CDH11: variants seen among roughly 807,000 people sequenced by gnomAD.
CDH11 encodes cadherin 11, also known as cadherin-11.
In CDH11, 11 loss-of-function variants were observed where a neutral mutation model predicts 67.8. The observed-to-expected ratio is 0.16, with a 90% CI of 0.10 to 0.27. CDH11 has a LOEUF of 0.27. Ranked by LOEUF, CDH11 falls within the 10% of genes least tolerant of loss-of-function variation. CDH11 has a pLI of 1.00. For missense variants in CDH11, 847 were observed against 1,031.2 expected, an observed-to-expected ratio of 0.82 and a Z score of 2.45; for synonymous variants, 419 against 400.0, an observed-to-expected ratio of 1.05 and a Z score of -0.57.
chr16:64,977,976 C>G lies in CDH11; in HGVS notation c.1253+4072G>C, dbSNP rs185344726. 1.7e-3 allele frequency among the ~76,000 whole-genome samples: 262 copies of G among 152,294 alleles called. 2 individuals are homozygous for G. The highest frequency in any genetic ancestry group is 3.4e-3 in the Middle Eastern group (1 of 294). Reference sequence around the variant, plus strand: ...ATAGTTGGGAATTCCTTCTTTCCTGCCACTATTTTCTTTGATATAAATGGA... The same window carrying G: ...ATAGTTGGGAATTCCTTCTTTCCTGGCACTATTTTCTTTGATATAAATGGA... On this transcript the variant is annotated intron_variant, in intron 8 of 12. Coordinates refer to ENST00000268603, the MANE Select transcript of CDH11 (RefSeq NM_001797.4).
intron 2 of CDH11, among the ~76,000 whole-genome samples, chr16:65,035,242 G>T (rs1229257102): frequency 6.6e-6 from 1 of 152,198 alleles, no homozygotes; most frequent in African/African-American, 2.4e-5. Context: ...TGTGCCCAGG[G>T]CTTGGTGATC....
chr16:65,088,364 A>G (rs565253413), intron 1 of CDH11, among the ~76,000 whole-genome samples: 1 of 152,318 alleles, frequency 6.6e-6, no homozygotes, highest in Non-Finnish European at 1.5e-5. Context: ...TAATCCTGTC[A>G]CCCAGTGATA....
In CDH11 at chr16:64,947,791, G is replaced by T. The variant is rs1168967892; in HGVS notation, c.2203C>A (p.Pro735Thr). 6.2e-7 allele frequency: 1 copy of T among 1,614,152 alleles called. No individual in the cohort carries two copies. The highest frequency in any genetic ancestry group is 1.3e-5 in the African/African-American group (1 of 75,036). Reference sequence around the variant, plus strand: ...TAGATTTGAATGGAGTCATAAGGAGGAGCCGTGGGGTCATTGTCTGCCTCC... The same window carrying T: ...TAGATTTGAATGGAGTCATAAGGAGTAGCCGTGGGGTCATTGTCTGCCTCC... ...IQEADNDPTA[P>T]PYDSIQIYGY... is the part of the protein sequence containing the mutation. Residue 735 changes from proline (P) to threonine (T), a missense_variant, in exon 13 of 13, where the codon CCT becomes ACT. Coordinates refer to ENST00000268603, the MANE Select transcript of CDH11 (RefSeq NM_001797.4).
intron 11 of CDH11, chr16:64,968,452 T>A: frequency 3.0e-6 from 3 of 984,022 alleles, no homozygotes; most frequent in Non-Finnish European, 3.6e-6. Context: ...GCAGACATGC[T>A]CTTCATCTGC....
chr16:64,945,653 G>A lies in CDH11; in HGVS notation c.*1950C>T. 7 of 1,037,158 alleles carry A rather than the reference G, an allele frequency of 6.7e-6. No individual in the cohort carries two copies. The highest frequency in any genetic ancestry group is 8.1e-6 in the Non-Finnish European group (7 of 861,192). The allele number at this position is 1,037,158 out of a possible 1,614,324, so 64.2% of individuals were successfully genotyped here. On this transcript the variant is annotated 3_prime_UTR_variant, in exon 13 of 13. Transcript: ENST00000268603. ...TGTGTAATCCTTCACTGAGATGAAA[G>A]ATTCTAAAGTGACATTGTCCACAAA...
intron 4 of CDH11, 113 bp downstream of exon 4, chr16:64,998,449 C>T: frequency 8.1e-6 from 8 of 988,576 alleles, no homozygotes; most frequent in Non-Finnish European, 1.2e-5. Flanking sequence ...GTTATTTTGC[C>T]ATAAAAGATA....
At chr16:65,068,413 GAAAAAAAAAAAA>G (rs57968272) in intron 1 of CDH11, among the ~76,000 whole-genome samples, 3 of 100,182 alleles carry the variant, frequency 3.0e-5, no homozygotes, top group East Asian at 2.9e-4. Flanking sequence ...TATGACTACA[GAAAAAAAAAAAA>G]AAAAAAAAAA....
Position 64,982,321 on chromosome 16 carries a change from G to T in CDH11, c.1000-20C>A. The T allele has an allele frequency of 3.8e-6, 6 of 1,590,912 alleles. No homozygotes were observed. Among genetic ancestry groups the T allele is most frequent in the Non-Finnish European group, 5.2e-6 (6 of 1,162,122 alleles). On this transcript the variant is annotated intron_variant, in intron 7 of 12. Transcript: ENST00000268603. ...TACAGGCTGGCAAGAATGAAGAGAAGATTGACAACCAATTCCTTGAAAGAA... is the reference window on the plus strand; with the variant it reads ...TACAGGCTGGCAAGAATGAAGAGAATATTGACAACCAATTCCTTGAAAGAA...
chr16:65,056,000 A>G (rs765586954), intron 1 of CDH11, among the ~76,000 whole-genome samples: 11 of 152,210 alleles, frequency 7.2e-5, no homozygotes, highest in Non-Finnish European at 1.0e-4. Context: ...TGTTGTCTGC[A>G]AGCCATGAAG....
Position 64,945,478 on chromosome 16 carries a change from A to G in CDH11, c.*2125T>C, listed in dbSNP as rs1295514542. 3 of 1,034,540 alleles carry G rather than the reference A, an allele frequency of 2.9e-6. No individual in the cohort carries two copies. In the African/African-American group the frequency reaches 5.0e-5, roughly 17 times the overall value. 64.1% of individuals were successfully genotyped at this position (1,034,540 alleles called of 1,614,324 possible). A position where few individuals can be genotyped will look rare whatever the true frequency, so the allele number is the denominator to read the frequency against. Reference sequence around the variant, plus strand: ...GTGACAGGGTTACTTACAGCTGTATACTTATTTAAATGCTATTCATATTCC... The same window carrying G: ...GTGACAGGGTTACTTACAGCTGTATGCTTATTTAAATGCTATTCATATTCC... On this transcript the variant is annotated 3_prime_UTR_variant, in exon 13 of 13. Transcript: ENST00000268603.
chr16:64,981,129 A>C (rs1330141794), intron 8 of CDH11: 2 of 107,350 alleles, frequency 1.9e-5, no homozygotes, highest in Non-Finnish European at 1.7e-5. Context: ...TTTTTGAGAC[A>C]GGGTCTCACT....
intron 7 of CDH11, among the ~76,000 whole-genome samples, chr16:64,983,691 C>T (rs2072414628): frequency 6.6e-6 from 1 of 152,154 alleles, no homozygotes; most frequent in Non-Finnish European, 1.5e-5. Context: ...CTAAATCTGC[C>T]CCCAGCCTTT....
chr16:65,018,433 CT>C (rs1312348881), intron 2 of CDH11, among the ~76,000 whole-genome samples: 1 of 152,124 alleles, frequency 6.6e-6, no homozygotes, highest in Non-Finnish European at 1.5e-5. Flanking sequence ...AAAAAACAGA[CT>C]CTCACTGCAC....
In CDH11 at chr16:64,951,039, G is replaced by A. The variant is rs760705911; in HGVS notation, c.1643-21C>T. On this transcript the variant is annotated intron_variant, in intron 11 of 12. Coordinates refer to ENST00000268603, the MANE Select transcript of CDH11 (RefSeq NM_001797.4). ...GTTATCTGCAGAAAGAGGGGAGACA[G>A]GCCGTGCGCCCAGTCAAGACCATTG... 8 of 1,606,468 alleles carry A rather than the reference G, an allele frequency of 5.0e-6. No homozygotes were observed. In the South Asian group the frequency reaches 7.7e-5, roughly 16 times the overall value.
chr16:64,989,896 T>G (rs2072587516), intron 6 of CDH11, among the ~76,000 whole-genome samples: 1 of 152,198 alleles, frequency 6.6e-6, no homozygotes, highest in East Asian at 1.9e-4. Context: ...TTACAGAGAT[T>G]TCATCAGTTC....
chr16:65,099,280 C>T (rs913586185), intron 1 of CDH11, among the ~76,000 whole-genome samples: 2 of 152,082 alleles, frequency 1.3e-5, no homozygotes, highest in African/African-American at 4.8e-5. Flanking sequence ...CTAGGGAAGC[C>T]AAATATTAAT....
chr16:65,075,789 T>A (rs1443521937), intron 1 of CDH11, among the ~76,000 whole-genome samples: 2 of 152,190 alleles, frequency 1.3e-5, no homozygotes, highest in African/African-American at 2.4e-5. Context: ...CTCTCCCAAA[T>A]AGCTGTGTGA....
At chr16:65,027,185 G>A (rs970063596) in intron 2 of CDH11, among the ~76,000 whole-genome samples, 1 of 152,152 alleles carries the variant, frequency 6.6e-6, no homozygotes, top group Non-Finnish European at 1.5e-5. Flanking sequence ...ATAAAGGAGG[G>A]ACAATTCTGT....
Position 65,121,782 on chromosome 16 carries a change from C to A in CDH11, c.-298+98G>T. 2 of 698,336 alleles carry A rather than the reference C, an allele frequency of 2.9e-6. 1 individual carries two copies. Among genetic ancestry groups the A allele is most frequent in the South Asian group, 3.0e-5 (2 of 66,850 alleles). The allele number at this position is 698,336 out of a possible 1,614,324, so 43.3% of individuals were successfully genotyped here. On this transcript the variant is annotated intron_variant, in intron 1 of 12. Coordinates refer to ENST00000268603, the MANE Select transcript of CDH11 (RefSeq NM_001797.4). The surrounding 1 kb of genome is among the most constrained non-coding windows in gnomAD (Gnocchi z 4.1). ...TCAGATACCACCGTCCCCCTCACCACCCCGCCCCGCCAAGACATTCTCTTC... is the reference window on the plus strand; with the variant it reads ...TCAGATACCACCGTCCCCCTCACCAACCCGCCCCGCCAAGACATTCTCTTC...
Sources: gnomAD v4.1 joint callset for allele counts (sites outside exome capture counted in the v4.1 genomes callset) on GRCh38, gnomAD v4.1.1 for gene constraint, Gnocchi (gnomAD v3.1) non-coding constraint, MANE v1.5 for transcripts, NCBI Gene and HGNC (gene_info 2026-07-23, HGNC 2026-07-21) for gene names.